The following OR2L13 variants were observed in gnomAD, a reference collection of about 807,000 sequenced individuals.
OR2L13 encodes the protein olfactory receptor 2L13.
A neutral mutation model predicts 15.3 loss-of-function variants in OR2L13; 14 were observed. That is an observed-to-expected ratio of 0.91 (90% CI 0.60 to 1.43). OR2L13 has a LOEUF of 1.43. Among genes scored for constraint, OR2L13 ranks in the 40% most tolerant of loss-of-function variants. OR2L13 has a pLI of 0.00. For missense variants in OR2L13, 367 were observed against 387.9 expected (o/e 0.95, Z 0.45); for synonymous variants, 152 against 142.9 (o/e 1.06, Z -0.45).
At chr1:247,998,259 A>G in the OR2L13 span, among the ~76,000 whole-genome samples, 1 of 152,098 alleles carries the variant, frequency 6.6e-6, no homozygotes, top group Non-Finnish European at 1.5e-5. Flanking sequence ...AGGCAACAAA[A>G]AGTGGTTTTG....
chr1:248,007,653 A>G, the OR2L13 span, among the ~76,000 whole-genome samples: 4 of 152,188 alleles, frequency 2.6e-5, no homozygotes, highest in Admixed American at 2.6e-4. Flanking sequence ...CGTTTTAGCC[A>G]TTTTTCTTTC....
At chr1:247,978,299 G>A in the OR2L13 span, among the ~76,000 whole-genome samples, 1 of 152,072 alleles carries the variant, frequency 6.6e-6, no homozygotes, top group Non-Finnish European at 1.5e-5. Context: ...CCACTGTTTT[G>A]ATGTTTTGGT....
the OR2L13 span, chr1:247,990,180 T>C: frequency 5.3e-6 from 3 of 569,638 alleles, no homozygotes; most frequent in Non-Finnish European, 9.6e-6. Context: ...CTGGCGGGCT[T>C]GAAATGCATC....
chr1:247,957,117 C>A, the OR2L13 span, among the ~76,000 whole-genome samples: 1 of 148,854 alleles, frequency 6.7e-6, no homozygotes, highest in African/African-American at 2.4e-5. Context: ...GAGATATGTC[C>A]CTTCAATACC....
the OR2L13 span, among the ~76,000 whole-genome samples, chr1:247,996,487 A>T: frequency 6.6e-6 from 1 of 152,234 alleles, no homozygotes; most frequent in Non-Finnish European, 1.5e-5. Flanking sequence ...CTTTCAGAAT[A>T]AACCAAGTTG....
chr1:247,984,229 C>CATTATTATTATTATTATTATTATT, the OR2L13 span, among the ~76,000 whole-genome samples: 13 of 148,504 alleles, frequency 8.8e-5, no homozygotes, highest in African/African-American at 3.2e-4. Context: ...GAAAATAAGT[C>CATTATTATTATTATTATTATTATT]ATTATTATTA....
chr1:248,041,214 A>G, the OR2L13 span: 2 of 152,204 alleles, frequency 1.3e-5, no homozygotes, highest in African/African-American at 4.8e-5. Flanking sequence ...GCATATCTAC[A>G]ACTATCTGAT....
chr1:248,079,415 T>C, the OR2L13 span, among the ~76,000 whole-genome samples: 12 of 152,122 alleles, frequency 7.9e-5, no homozygotes, highest in African/African-American at 2.9e-4. Flanking sequence ...AATTTAAAAA[T>C]TTCAGCATTT....
chr1:248,027,166 T>C, the OR2L13 span, among the ~76,000 whole-genome samples: 36 of 152,180 alleles, frequency 2.4e-4, no homozygotes, highest in African/African-American at 8.4e-4. Flanking sequence ...GATGGCTGTC[T>C]TTTACAGTCA....
the OR2L13 span, among the ~76,000 whole-genome samples, chr1:247,947,710 G>A: frequency 2.6e-5 from 4 of 152,180 alleles, no homozygotes; most frequent in Admixed American, 2.0e-4. Flanking sequence ...AGGCCAAAGA[G>A]AATGGATGAT....
the OR2L13 span, among the ~76,000 whole-genome samples, chr1:248,071,515 A>G: frequency 6.6e-6 from 1 of 152,280 alleles, no homozygotes; most frequent in African/African-American, 2.4e-5. Context: ...CCCACAGCCA[A>G]TATCATACTG....
the OR2L13 span, among the ~76,000 whole-genome samples, chr1:247,974,259 C>A: frequency 6.6e-6 from 1 of 151,996 alleles, no homozygotes; most frequent in Non-Finnish European, 1.5e-5. Flanking sequence ...CATCACACAC[C>A]AGAACCTTTG....
At chr1:247,975,243 C>A in the OR2L13 span, 1 of 415,926 alleles carries the variant, frequency 2.4e-6, no homozygotes, top group South Asian at 2.0e-5. Context: ...CCCTGTTGCT[C>A]AGCCAGGGCT....
At chr1:247,963,650 GTAAT>G in the OR2L13 span, among the ~76,000 whole-genome samples, 2 of 152,048 alleles carry the variant, frequency 1.3e-5, no homozygotes, top group Non-Finnish European at 2.9e-5. Flanking sequence ...ATAGTTATAA[GTAAT>G]TAATATATGA....
the OR2L13 span, among the ~76,000 whole-genome samples, chr1:248,064,036 A>G: frequency 6.3e-4 from 96 of 152,330 alleles, no homozygotes; most frequent in Non-Finnish European, 1.2e-3. Flanking sequence ...GACCTTGTGC[A>G]TAGGTCCACG....
the OR2L13 span, among the ~76,000 whole-genome samples, chr1:247,995,332 C>T: frequency 2.0e-5 from 3 of 152,224 alleles, no homozygotes; most frequent in African/African-American, 7.2e-5. Context: ...TCTCTGTTCT[C>T]TATGGCTCCA....
At chr1:248,070,246 G>A in the OR2L13 span, among the ~76,000 whole-genome samples, 25 of 152,162 alleles carry the variant, frequency 1.6e-4, no homozygotes, top group East Asian at 1.9e-4. Flanking sequence ...CTCAGCAAAT[G>A]TAAAAGAACA....
At chr1:248,015,865 C>G in the OR2L13 span, among the ~76,000 whole-genome samples, 3 of 152,092 alleles carry the variant, frequency 2.0e-5, no homozygotes. Context: ...ATAATGATTT[C>G]TCTTTGAGAA....
chr1:248,003,157 T>C, the OR2L13 span: 1 of 1,398,640 alleles, frequency 7.1e-7, no homozygotes, highest in Non-Finnish European at 1.0e-6. Context: ...AAACATCAAC[T>C]GATTTCATCT....
Sources: gnomAD v4.1 joint callset for allele counts (sites outside exome capture counted in the v4.1 genomes callset) on GRCh38, gnomAD v4.1.1 for gene constraint, MANE v1.5 for transcripts, NCBI Gene and HGNC (gene_info 2026-07-23, HGNC 2026-07-21) for gene names.